ATP6V1D: variants seen among roughly 807,000 people sequenced by gnomAD.
ATP6V1D encodes ATPase H+ transporting V1 subunit D, also known as V-type proton ATPase subunit D.
ATP6V1D carries 20 observed loss-of-function variants against 39.4 expected under a neutral mutation model. The observed-to-expected ratio is 0.51, with a 90% CI of 0.36 to 0.74. ATP6V1D has a LOEUF of 0.74. Ranked by LOEUF, ATP6V1D falls within the 30% of genes least tolerant of loss-of-function variation. ATP6V1D has a pLI of 0.00. For synonymous variants in ATP6V1D, 100 were observed against 100.5 expected (o/e 0.99, Z 0.03); for missense variants, 228 against 291.6 (o/e 0.78, Z 1.59).
At chr14:67,340,314 T>C (rs984377103) in intron 8 of ATP6V1D, 126 bp downstream of exon 8, 1 of 760,612 alleles carries the variant, frequency 1.3e-6, no homozygotes, top group African/African-American at 1.7e-5. Flanking sequence ...TCTTGCTGCT[T>C]ATTTATCAGA....
At chr14:67,353,111 A>C in intron 1 of ATP6V1D, 71 bp from the exon 2 acceptor site, 1 of 1,188,732 alleles carries the variant, frequency 8.4e-7, no homozygotes, top group Non-Finnish European at 1.2e-6. Context: ...CCTCCCCACC[A>C]GTGTTAAAAT....
intron 1 of ATP6V1D, among the ~76,000 whole-genome samples, chr14:67,357,411 T>C (rs2085692788): frequency 1.3e-5 from 2 of 152,184 alleles, no homozygotes; most frequent in African/African-American, 4.8e-5. Context: ...CTGCCAGCCA[T>C]GGGGAAAATA....
At chr14:67,340,542 T>C (rs750642126) in intron 7 of ATP6V1D, 24 bp from the exon 8 acceptor site, 5 of 1,570,034 alleles carry the variant, frequency 3.2e-6, no homozygotes, top group African/African-American at 2.7e-5. Context: ...AAAAATAATA[T>C]GTGTGAGAAC....
In ATP6V1D at chr14:67,345,751, G is replaced by A. The variant is rs1200486226; in HGVS notation, c.456+17C>T. 2 of 1,565,138 alleles carry A rather than the reference G, an allele frequency of 1.3e-6. No individual in the cohort carries two copies. Among genetic ancestry groups the A allele is most frequent in the Non-Finnish European group, 8.8e-7 (1 of 1,135,680 alleles). ...CAAATCAAACTACAGGAGTTCTCCA[G>A]GTCTTTTGCTACTTACCTGCAGAGA... On this transcript the variant is annotated intron_variant, in intron 6 of 8. Coordinates refer to ENST00000216442, the MANE Select transcript of ATP6V1D (RefSeq NM_015994.4).
At chr14:67,341,356 G>A (rs1461905995) in intron 7 of ATP6V1D, among the ~76,000 whole-genome samples, 9 of 151,224 alleles carry the variant, frequency 6.0e-5, no homozygotes, top group Non-Finnish European at 1.3e-4. Context: ...CCCTCCACCC[G>A]GCAGCCGCCC....
intron 1 of ATP6V1D, among the ~76,000 whole-genome samples, chr14:67,356,442 AAAAAAC>A (rs2085685530): frequency 2.1e-5 from 3 of 144,020 alleles, no homozygotes; most frequent in Admixed American, 7.0e-5. Flanking sequence ...AACAAAAAAA[AAAAAAC>A]AAAAACAAAC....
chr14:67,350,572 CTT>C (rs768400960), intron 3 of ATP6V1D, 37 bp downstream of exon 3: 2 of 1,544,108 alleles, frequency 1.3e-6, no homozygotes, highest in Admixed American at 3.6e-5. Flanking sequence ...ACTGAAATCA[CTT>C]TGTTTTGCTT....
At chr14:67,359,265 T>C (rs1335049802) in intron 1 of ATP6V1D, among the ~76,000 whole-genome samples, 1 of 152,202 alleles carries the variant, frequency 6.6e-6, no homozygotes. Flanking sequence ...AAAACCTCCT[T>C]GGCCTTTCCA....
intron 2 of ATP6V1D, among the ~76,000 whole-genome samples, chr14:67,351,668 T>G (rs1240373975): frequency 6.6e-6 from 1 of 151,800 alleles, no homozygotes; most frequent in Non-Finnish European, 1.5e-5. Flanking sequence ...GCCACCACAC[T>G]CTGCTAATTT....
At chr14:67,349,783 G>A (rs538887409) in intron 3 of ATP6V1D, among the ~76,000 whole-genome samples, 2 of 152,108 alleles carry the variant, frequency 1.3e-5, no homozygotes, top group Non-Finnish European at 2.9e-5. Context: ...ATACACTATT[G>A]ATTGATCTCC....
Position 67,343,400 on chromosome 14 carries a change from G to T in ATP6V1D, c.495C>A (p.Thr165=), listed in dbSNP as rs1260567613. ...FVTLDEAIKI[T]NRRVNAIEHV... is the part of the protein sequence containing the mutation. ...GTTCAATGGCATTTACACGCCTGTTGGTTATCTTAATAGCTTCATCCAAAG... is the reference window on the plus strand; with the variant it reads ...GTTCAATGGCATTTACACGCCTGTTTGTTATCTTAATAGCTTCATCCAAAG... The change falls in exon 7 of 9, where the codon ACC becomes ACA. Residue 165 remains threonine (T), a synonymous_variant. Coordinates refer to ENST00000216442, the MANE Select transcript of ATP6V1D (RefSeq NM_015994.4). 6.2e-7 allele frequency: 1 copy of T among 1,612,086 alleles called. No individual in the cohort carries two copies. The highest frequency in any genetic ancestry group is 1.3e-5 in the African/African-American group (1 of 74,942).
In ATP6V1D at chr14:67,338,766, T is replaced by TA. The variant is rs1209644295; in HGVS notation, c.603-5dup. 1 of 1,609,446 alleles carries TA rather than the reference T, an allele frequency of 6.2e-7. No homozygotes were observed. Among genetic ancestry groups the TA allele is most frequent in the East Asian group, 2.2e-5 (1 of 44,820 alleles). ...CTTCTCTTGTATTTTCTTTAACCTG[T>TA]AAAATACAGGTGGGGGTGGATTTTT... On this transcript the variant is annotated splice_region_variant and splice_polypyrimidine_tract_variant and intron_variant, in intron 8 of 8. Transcript: ENST00000216442.
Position 67,346,010 on chromosome 14 carries a change from T to C in ATP6V1D, c.353-139A>G, listed in dbSNP as rs2085617368. On this transcript the variant is annotated intron_variant, in intron 5 of 8. Coordinates refer to ENST00000216442, the MANE Select transcript of ATP6V1D (RefSeq NM_015994.4). Reference sequence around the variant, plus strand: ...ATCTTCATTGAATGTAAACATGAAGTGCCTATCTCACTCCCCAAACACTAT... The same window carrying C: ...ATCTTCATTGAATGTAAACATGAAGCGCCTATCTCACTCCCCAAACACTAT... 2.2e-5 allele frequency: 14 copies of C among 630,480 alleles called. 1 individual carries two copies. In the South Asian group the frequency reaches 2.7e-4, roughly 12 times the overall value. The allele number at this position is 630,480 out of a possible 1,614,324, so 39.1% of individuals were successfully genotyped here. A position where few individuals can be genotyped will look rare whatever the true frequency, so the allele number is the denominator to read the frequency against.
intron 3 of ATP6V1D, 50 bp downstream of exon 3, chr14:67,350,561 G>C (rs1198538151): frequency 6.1e-6 from 9 of 1,474,472 alleles, no homozygotes; most frequent in Non-Finnish European, 8.4e-6. Context: ...GAAATTATGA[G>C]ACTGAAATCA....
Position 67,352,949 on chromosome 14 carries a change from G to T in ATP6V1D, c.133C>A (p.Arg45=), listed in dbSNP as rs749286842. 1.2e-6 allele frequency: 2 copies of T among 1,611,856 alleles called. No individual in the cohort carries two copies. Among genetic ancestry groups the T allele is most frequent in the Admixed American group, 3.3e-5 (2 of 59,940 alleles). Residue 45 remains arginine, a synonymous_variant, in exon 2 of 9, where the codon CGA becomes AGA. Coordinates refer to ENST00000216442, the MANE Select transcript of ATP6V1D (RefSeq NM_015994.4). ...TCTATTATCTTCTTTAGGATCTGTC[G>T]AAATCGAAGAGTTAAGGCATCAGAT... ...KKSDALTLRF[R]QILKKIIETK...
rs139848053 is a variant in ATP6V1D at position 67,350,646 on chromosome 14, T to C, written c.204A>G (p.Ser68=). Residue 68 remains serine (S), a synonymous_variant, in exon 3 of 9, where the codon TCA becomes TCG. Coordinates refer to ENST00000216442, the MANE Select transcript of ATP6V1D (RefSeq NM_015994.4). The part of the protein sequence containing the change: ...MGEVMREAAF[S]LAEAKFTAGD... ...CTGCTGTGAACTTGGCTTCAGCTAGTGAAAAGGCAGCTTCTCTCATCACTT... is the reference window on the plus strand; with the variant it reads ...CTGCTGTGAACTTGGCTTCAGCTAGCGAAAAGGCAGCTTCTCTCATCACTT... 2 of 1,613,694 alleles carry C rather than the reference T, an allele frequency of 1.2e-6. No individual in the cohort carries two copies. Among genetic ancestry groups the C allele is most frequent in the African/African-American group, 1.3e-5 (1 of 74,926 alleles).
At chr14:67,350,814 G>T in intron 2 of ATP6V1D, 124 bp from the exon 3 acceptor site, 3 of 893,630 alleles carry the variant, frequency 3.4e-6, no homozygotes, top group South Asian at 1.9e-5. Flanking sequence ...ATATTGGTTT[G>T]ATAACGACAA....
In ATP6V1D at chr14:67,340,498, G is replaced by A. The variant is rs149627999; in HGVS notation, c.544C>T (p.Arg182Cys). 3,487 of 1,611,340 alleles carry A rather than the reference G, an allele frequency of 2.2e-3. 9 individuals are homozygous for A. The highest frequency in any genetic ancestry group is 2.7e-3 in the Non-Finnish European group (3,197 of 1,179,496). The change falls in exon 8 of 9, where the codon CGT (arginine) becomes TGT (cysteine). Residue 182 changes from arginine to cysteine, a missense_variant. Transcript: ENST00000216442. ...IEHVIIPRIE[R>C]TLAYIITELD... ...TCTGTGATGATATAAGCAAGAGTAC[G>A]TTCAATCCGGGGAATGATGACTAGA...
chr14:67,338,434 A>G lies in ATP6V1D; in HGVS notation c.*187T>C, dbSNP rs2085555682. 1 of 617,042 alleles carries G rather than the reference A, an allele frequency of 1.6e-6. No individual in the cohort carries two copies. The highest frequency in any genetic ancestry group is 2.6e-5 in the South Asian group (1 of 37,794). 38.2% of individuals were successfully genotyped at this position (617,042 alleles called of 1,614,324 possible). ...TGGGCAGGTTTTACAGATCTCTTTC[A>G]TCCATGATAAATGGTTGCTAAATTA... is the stretch of plus-strand genomic sequence containing the variant. On this transcript the variant is annotated 3_prime_UTR_variant, in exon 9 of 9. Coordinates refer to ENST00000216442, the MANE Select transcript of ATP6V1D (RefSeq NM_015994.4).
Sources: gnomAD v4.1 joint callset for allele counts (sites outside exome capture counted in the v4.1 genomes callset) on GRCh38, gnomAD v4.1.1 for gene constraint, MANE v1.5 for transcripts, NCBI Gene and HGNC (gene_info 2026-07-23, HGNC 2026-07-21) for gene names.